The following GAD1 variants were observed in gnomAD, a reference collection of about 807,000 sequenced individuals.
GAD1 encodes 67 kDa glutamic acid decarboxylase.
GAD1 carries 35 observed loss-of-function variants against 75.2 expected under a neutral mutation model. The observed-to-expected ratio is 0.47, with a 90% confidence interval of 0.36 to 0.62. The LOEUF (loss-of-function observed/expected upper bound fraction) is 0.62. GAD1 is among the 20% of genes least tolerant of loss of function. The pLI is 0.00. For missense variants in GAD1, 490 were observed against 758.5 expected, an observed-to-expected ratio of 0.65 and a Z score of 4.16; for synonymous variants, 257 against 271.9, an observed-to-expected ratio of 0.95 and a Z score of 0.54.
intron 3 of GAD1, among the ~76,000 whole-genome samples, chr2:170,825,191 G>A (rs114923772): frequency 2.1e-3 from 317 of 152,216 alleles, no homozygotes; most frequent in African/African-American, 7.3e-3. Context: ...TTTGAGACTA[G>A]CCTGAGCAGC....
Position 170,849,346 on chromosome 2 carries a change from G to C in GAD1, c.1180G>C (p.Glu394Gln). 6.2e-7 allele frequency: 1 copy of C among 1,614,144 alleles called. No homozygotes were observed. Among genetic ancestry groups the C allele is most frequent in the Non-Finnish European group, 8.5e-7 (1 of 1,180,022 alleles). ...RKHRHKLNGIERANSVTWNPH... is the reference protein window; with the variant it reads ...RKHRHKLNGIQRANSVTWNPH... ...GCACCGCCATAAACTCAACGGCATA[G>C]AAAGGTAACGGCCAGAACTCGCCAG... Residue 394 changes from glutamate to glutamine, a missense_variant, in exon 12 of 17, where the codon GAA becomes CAA. By Grantham distance (29) the Glu-to-Gln change is conservative. Around this residue, in one of 3 missense-constraint regions of GAD1, gnomAD observed 324 missense variants for 523.9 expected, o/e 0.62. Coordinates refer to ENST00000358196, the MANE Select transcript of GAD1 (RefSeq NM_000817.3).
Position 170,818,329 on chromosome 2 carries a change from A to G in GAD1, c.-63-200A>G, listed in dbSNP as rs373431426. The G allele has an allele frequency of 9.5e-4, 362 of 381,176 alleles. 2 individuals carry two copies. Among genetic ancestry groups the G allele is most frequent in the African/African-American group, 7.6e-3 (326 of 43,070 alleles). The allele number at this position is 381,176 out of a possible 1,614,324, so 23.6% of individuals were successfully genotyped here. A position where few individuals can be genotyped will look rare whatever the true frequency, so the allele number is the denominator to read the frequency against. ...CCCAGGGCTACGCTCCCTGCGCCCC[A>G]GTACCGGAGCTAGCGCGCACGTCTC... On this transcript the variant is annotated intron_variant, in intron 1 of 16. Transcript: ENST00000358196. This position sits in a 1 kb window ranked among gnomAD's most constrained non-coding sequence, Gnocchi z 5.9.
chr2:170,846,321 G>T (rs898832100), intron 10 of GAD1, among the ~76,000 whole-genome samples: 3 of 152,168 alleles, frequency 2.0e-5, no homozygotes, highest in Non-Finnish European at 4.4e-5. Context: ...TTGGTTTGAT[G>T]TTCTTCAATA....
chr2:170,840,265 T>C (rs2105792270), intron 6 of GAD1, among the ~76,000 whole-genome samples: 1 of 152,352 alleles, frequency 6.6e-6, no homozygotes, highest in South Asian at 2.1e-4. Flanking sequence ...ACAGTCACTG[T>C]TGCTATTTGA....
chr2:170,822,279 A>G (rs763649985), intron 3 of GAD1, 130 bp downstream of exon 3: 33 of 811,582 alleles, frequency 4.1e-5, no homozygotes, highest in Middle Eastern at 5.8e-4. Flanking sequence ...AATTACAGCC[A>G]GGACAGCCAG....
rs144099065 is a variant in GAD1 at position 170,847,698 on chromosome 2, A to G, written c.1025A>G (p.Asn342Ser). The G allele has an allele frequency of 4.2e-5, 67 of 1,613,680 alleles. No individual in the cohort carries two copies. Among genetic ancestry groups the G allele is most frequent in the South Asian group, 1.1e-4 (10 of 91,074 alleles). ...KQKGYVPFYVNATAGTTVYGA... is the reference protein window; with the variant it reads ...KQKGYVPFYVSATAGTTVYGA... Reference sequence around the variant, plus strand: ...TAGGGATATGTTCCCTTTTATGTCAATGCAACTGCTGGCACGACTGTTTAT... The same window carrying G: ...TAGGGATATGTTCCCTTTTATGTCAGTGCAACTGCTGGCACGACTGTTTAT... The change falls in exon 11 of 17, where the codon AAT (asparagine) becomes AGT (serine). Residue 342 changes from asparagine to serine, a missense_variant. Asn to Ser is a conservative substitution (Grantham distance 46, BLOSUM62 1). This residue lies in a region of GAD1 where 324 missense variants were observed against 523.9 expected (regional missense o/e 0.62). Transcript: ENST00000358196.
At chr2:170,836,490 A>G (rs1162282136) in intron 5 of GAD1, among the ~76,000 whole-genome samples, 1 of 152,210 alleles carries the variant, frequency 6.6e-6, no homozygotes, top group Admixed American at 6.5e-5. Context: ...TACTATATAT[A>G]TATTGGCAAA....
chr2:170,831,013 T>C lies in GAD1; in HGVS notation c.368T>C (p.Ile123Thr). ...CAATTCCTCCTGGAAGTGGTGGACATACTCCTCAACTATGTCCGCAAGACA... is the reference window on the plus strand; with the variant it reads ...CAATTCCTCCTGGAAGTGGTGGACACACTCCTCAACTATGTCCGCAAGACA... ...TVQFLLEVVD[I>T]LLNYVRKTFD... The change falls in exon 5 of 17, where the codon ATA becomes ACA. Residue 123 changes from isoleucine to threonine, a missense_variant. Transcript: ENST00000358196. The C allele has an allele frequency of 6.2e-7, 1 of 1,614,138 alleles. No homozygotes were observed. The highest frequency in any genetic ancestry group is 8.5e-7 in the Non-Finnish European group (1 of 1,180,032).
intron 5 of GAD1, among the ~76,000 whole-genome samples, chr2:170,836,527 A>T (rs1263069371): frequency 6.6e-6 from 1 of 152,222 alleles, no homozygotes; most frequent in Non-Finnish European, 1.5e-5. Flanking sequence ...AACACTGGAA[A>T]GCATGATTTG....
In GAD1 at chr2:170,860,516, G is replaced by A. The variant is rs1321150104; in HGVS notation, c.*634G>A. The A allele has an allele frequency of 6.5e-6, 1 of 153,168 alleles. No individual in the cohort carries two copies. Among genetic ancestry groups the A allele is most frequent in the African/African-American group, 2.4e-5 (1 of 41,424 alleles). 9.5% of individuals were successfully genotyped at this position (153,168 alleles called of 1,614,324 possible). A position where few individuals can be genotyped will look rare whatever the true frequency, so the allele number is the denominator to read the frequency against. ...AAATTCCTGTTGTCTGACCTTGGTGGTGGGAGGGGGAGACTATGTGTCATG... is the reference window on the plus strand; with the variant it reads ...AAATTCCTGTTGTCTGACCTTGGTGATGGGAGGGGGAGACTATGTGTCATG... On this transcript the variant is annotated 3_prime_UTR_variant, in exon 17 of 17. Transcript: ENST00000358196.
chr2:170,836,053 G>C (rs568808186), intron 5 of GAD1, among the ~76,000 whole-genome samples: 1 of 152,070 alleles, frequency 6.6e-6, no homozygotes, highest in Non-Finnish European at 1.5e-5. Flanking sequence ...TTCTCAGAGA[G>C]GAGAGTTAGA....
chr2:170,822,176 G>C (rs777877984), intron 3 of GAD1, 27 bp downstream of exon 3: 1 of 1,605,898 alleles, frequency 6.2e-7, no homozygotes, highest in African/African-American at 1.3e-5. Flanking sequence ...ACTGGGGCCC[G>C]GCTGGGTGGC....
chr2:170,847,655 T>A (rs748980762), intron 10 of GAD1, 21 bp from the exon 11 acceptor site: 1 of 1,452,412 alleles, frequency 6.9e-7, no homozygotes, highest in Non-Finnish European at 9.7e-7. Flanking sequence ...CTCATCAGCC[T>A]ATATCTGTCT....
intron 2 of GAD1, among the ~76,000 whole-genome samples, chr2:170,819,481 GA>G (rs1406269222): frequency 6.6e-6 from 1 of 152,108 alleles, no homozygotes; most frequent in Non-Finnish European, 1.5e-5. Flanking sequence ...CCAGATAAAA[GA>G]GGGGGGAGGA....
intron 12 of GAD1, among the ~76,000 whole-genome samples, chr2:170,851,038 CTG>C (rs939623951): frequency 2.0e-5 from 3 of 151,490 alleles, no homozygotes; most frequent in East Asian, 1.9e-4. Context: ...AAAAAAAGAA[CTG>C]TGGATGAGCC....
At chr2:170,847,634 G>C (rs1702661024) in intron 10 of GAD1, 42 bp from the exon 11 acceptor site, 2 of 1,308,006 alleles carry the variant, frequency 1.5e-6, no homozygotes, top group Non-Finnish European at 2.2e-6. Flanking sequence ...AAATGAGAAA[G>C]GTTAAAAATA....
At chr2:170,823,631 T>C (rs547652805) in intron 3 of GAD1, among the ~76,000 whole-genome samples, 2 of 151,984 alleles carry the variant, frequency 1.3e-5, no homozygotes, top group South Asian at 2.1e-4. Flanking sequence ...GTTCTATAAA[T>C]AGCCCCGTCC....
At chr2:170,838,142 T>TA (rs1702419015) in intron 6 of GAD1, among the ~76,000 whole-genome samples, 5 of 152,178 alleles carry the variant, frequency 3.3e-5, no homozygotes, top group Admixed American at 3.3e-4. Flanking sequence ...CCTCTGGTGG[T>TA]AAAAAAGCAT....
In GAD1 at chr2:170,829,349, A is replaced by G; in HGVS notation, c.146-126A>G. ...GTGCCAGAGCCACTGTATTTAAAAC[A>G]CAGACACTCACTTCTTTTCTCAGGA... is the stretch of plus-strand genomic sequence containing the variant. On this transcript the variant is annotated intron_variant, in intron 3 of 16. Coordinates refer to ENST00000358196, the MANE Select transcript of GAD1 (RefSeq NM_000817.3). 3 of 1,118,672 alleles carry G rather than the reference A, an allele frequency of 2.7e-6. 1 individual carries two copies. In the Admixed American group the frequency reaches 5.3e-5, roughly 20 times the overall value. The allele number at this position is 1,118,672 out of a possible 1,614,324, so 69.3% of individuals were successfully genotyped here. A position where few individuals can be genotyped will look rare whatever the true frequency, so the allele number is the denominator to read the frequency against.
Sources: gnomAD v4.1 joint callset for allele counts (sites outside exome capture counted in the v4.1 genomes callset) on GRCh38, gnomAD v4.1.1 for gene constraint, gnomAD v4.1.1 regional missense constraint, Gnocchi (gnomAD v3.1) non-coding constraint, MANE v1.5 for transcripts, NCBI Gene and HGNC (gene_info 2026-07-23, HGNC 2026-07-21) for gene names.